Variants in CCDC57 observed in about 807,000 individuals in gnomAD.
The protein encoded by CCDC57 is coiled-coil domain containing 57, also known as coiled-coil domain-containing protein 57.
CCDC57 carries 118 observed loss-of-function variants against 118.9 expected under a neutral mutation model. That is an observed-to-expected ratio of 0.99 (90% CI 0.86 to 1.16). CCDC57 has a LOEUF of 1.16. CCDC57 is among the 50% of genes most tolerant of loss of function. The pLI is 0.00. For synonymous variants in CCDC57, 527 were observed against 532.9 expected (o/e 0.99, Z 0.15); for missense variants, 1,300 against 1,320.7 (o/e 0.98, Z 0.24).
At chr17:82,152,515 C>T (rs2042183060) in intron 15 of CCDC57, among the ~76,000 whole-genome samples, 3 of 152,240 alleles carry the variant, frequency 2.0e-5, no homozygotes. Context: ...TGTCCTCACT[C>T]AGCCCAACCT....
At chr17:82,198,224 G>A in intron 4 of CCDC57, 90 bp downstream of exon 3, 1 of 733,042 alleles carries the variant, frequency 1.4e-6, no homozygotes, top group Non-Finnish European at 2.3e-6. Context: ...TGAACCAAAT[G>A]GTTGTCTTTT....
chr17:82,136,033 G>A (rs913339561), intron 16 of CCDC57, among the ~76,000 whole-genome samples: 1 of 152,140 alleles, frequency 6.6e-6, no homozygotes, highest in African/African-American at 2.4e-5. Context: ...ACCTTCGTGC[G>A]CAGCTGGTGG....
At chr17:82,114,277 A>G (rs2035560900) in intron 19 of CCDC57, among the ~76,000 whole-genome samples, 1 of 152,172 alleles carries the variant, frequency 6.6e-6, no homozygotes, top group Admixed American at 6.5e-5. Context: ...CCTGGGTGTC[A>G]TAAGAAGCAC....
chr17:82,208,823 G>C (rs140772315), intron 1 of CCDC57, among the ~76,000 whole-genome samples: 1 of 152,158 alleles, frequency 6.6e-6, no homozygotes, highest in African/African-American at 2.4e-5. Flanking sequence ...GGCCCCTCTT[G>C]GATTCCAGAG....
Position 82,194,150 on chromosome 17 carries a change from TA to T in CCDC57, c.619-12del, listed in dbSNP as rs757843753. 1.6e-5 allele frequency: 26 copies of T among 1,606,626 alleles called. No individual in the cohort carries two copies. The highest frequency in any genetic ancestry group is 1.2e-4 in the Admixed American group (7 of 59,306). On this transcript the variant is annotated splice_polypyrimidine_tract_variant and intron_variant, in intron 5 of 19. Coordinates refer to ENST00000665763, the Ensembl canonical transcript of CCDC57. ...GTGCAGTAGTTTAACCTTTGAATGA[TA>T]AAAATGAGTTCAAAATGAGGTGATA...
At chr17:82,171,563 G>C in intron 13 of CCDC57, 138 bp downstream of exon 12, 1 of 839,744 alleles carries the variant, frequency 1.2e-6, no homozygotes, top group Non-Finnish European at 1.8e-6. Context: ...GGGAGCACAA[G>C]GGGCTGCTGG....
intron 16 of CCDC57, among the ~76,000 whole-genome samples, chr17:82,138,680 G>C (rs2039610806): frequency 6.6e-6 from 1 of 151,382 alleles, no homozygotes; most frequent in African/African-American, 2.4e-5. Flanking sequence ...GAGACGCGTG[G>C]CCTGCCCCGG....
At chr17:82,167,329 T>A (rs533183808) in intron 13 of CCDC57, among the ~76,000 whole-genome samples, 3 of 152,146 alleles carry the variant, frequency 2.0e-5, no homozygotes, top group East Asian at 3.9e-4. Flanking sequence ...ATAATGAAAT[T>A]TCTGAAAACT....
intron 13 of CCDC57, among the ~76,000 whole-genome samples, chr17:82,167,643 A>C (rs542411172): frequency 6.6e-6 from 1 of 151,396 alleles, no homozygotes; most frequent in Non-Finnish European, 1.5e-5. Flanking sequence ...CCGCAACCAC[A>C]CCCGGCCAAT....
chr17:82,151,842 C>G, intron 15 of CCDC57, 69 bp from the exon 15 acceptor site: 1 of 1,351,690 alleles, frequency 7.4e-7, no homozygotes, highest in Non-Finnish European at 1.0e-6. Flanking sequence ...GGGGTGCCCA[C>G]CCAAGGAGCC....
chr17:82,134,657 G>A (rs192760254), intron 16 of CCDC57, among the ~76,000 whole-genome samples: 471 of 152,232 alleles, frequency 3.1e-3, no homozygotes, highest in Non-Finnish European at 5.4e-3. Context: ...AGCTGGGCGT[G>A]GTGGTGGGCA....
rs71166188 is a variant in CCDC57, at chr17:82,132,759, C to CTTTTTTTTTT, written c.2577+1304_2577+1313dup. 1.1e-4 allele frequency among the ~76,000 whole-genome samples: 14 copies of CTTTTTTTTTT among 123,946 alleles called. 6 individuals are homozygous for CTTTTTTTTTT. The highest frequency in any genetic ancestry group is 1.2e-4 in the Non-Finnish European group (7 of 59,742). 81.3% of individuals were successfully genotyped at this position (123,946 alleles called of 152,430 possible). On this transcript the variant is annotated intron_variant, in intron 17 of 19. Transcript: ENST00000665763. ...TTATCTTTCTGTAGAGACAACCTTG[C>CTTTTTTTTTT]TTTTTTTTTTTTTTTTTTGAGACGG...
chr17:82,188,298 C>T (rs780474277), exon 8 of CCDC57: 9 of 1,596,078 alleles, frequency 5.6e-6, no homozygotes, highest in Non-Finnish European at 7.7e-6. Flanking sequence ...TCGAGGGTCT[C>T]GCAGTGGGCC....
At position 82,188,085 on chromosome 17, in the gene CCDC57, G is replaced by A. The variant is rs548030454; in HGVS notation, c.1052+134C>T. 119 of 586,492 alleles carry A rather than the reference G, an allele frequency of 2.0e-4. 2 individuals are homozygous for A. The South Asian group carries it at 3.1e-3, about 15-fold the overall frequency. 36.3% of individuals were successfully genotyped at this position (586,492 alleles called of 1,614,324 possible). ...AAAAAAAAGAGTGGTTAAGAAAAGT[G>A]ACTGAGAGCTACAGAAGCCACTCTG... On this transcript the variant is annotated intron_variant, in intron 8 of 19. Coordinates refer to ENST00000665763, the Ensembl canonical transcript of CCDC57.
intron 9 of CCDC57, among the ~76,000 whole-genome samples, chr17:82,182,400 C>A (rs1426712015): frequency 6.6e-6 from 1 of 151,522 alleles, no homozygotes; most frequent in Non-Finnish European, 1.5e-5. Flanking sequence ...GTTGCCCAGG[C>A]TGAAGTGCAG....
At chr17:82,175,709 G>C (rs192045857) in intron 11 of CCDC57, 4 of 152,206 alleles carry the variant, frequency 2.6e-5, no homozygotes, top group African/African-American at 7.2e-5. Context: ...CTCGGAACAC[G>C]TCGTCAGGAC....
intron 11 of CCDC57, among the ~76,000 whole-genome samples, 200 bp from the exon 11 acceptor site, chr17:82,173,060 C>G (rs1046395123): frequency 6.6e-6 from 1 of 152,048 alleles, no homozygotes; most frequent in African/African-American, 2.4e-5. Context: ...ATTCCTGGAG[C>G]CTTTCATACT....
intron 2 of CCDC57, among the ~76,000 whole-genome samples, chr17:82,202,382 C>T (rs773233894): frequency 6.6e-6 from 1 of 151,676 alleles, no homozygotes; most frequent in Non-Finnish European, 1.5e-5. Flanking sequence ...GCAGGAGAAT[C>T]GCTTGAACCC....
At chr17:82,151,049 C>T (rs1354910155) in intron 16 of CCDC57, among the ~76,000 whole-genome samples, 3 of 111,032 alleles carry the variant, frequency 2.7e-5, no homozygotes, top group African/African-American at 6.7e-5. Flanking sequence ...ACACCCAGAA[C>T]CTGACCCGCA....
Sources: allele counts gnomAD v4.1 joint callset (sites outside exome capture counted in the v4.1 genomes callset), GRCh38; gene constraint gnomAD v4.1.1; transcripts MANE v1.5; gene names NCBI Gene and HGNC (gene_info 2026-07-23, HGNC 2026-07-21).